The following SOCS2 variants were observed in gnomAD, a reference collection of about 807,000 sequenced individuals.
The protein encoded by SOCS2 is CIS-2.
A neutral mutation model predicts 18.6 loss-of-function variants in SOCS2; 10 were observed. The ratio of observed to expected loss-of-function variants is 0.54; its 90% confidence interval spans 0.33 to 0.91. The LOEUF is 0.91. Ranked by LOEUF, SOCS2 falls within the 40% of genes least tolerant of loss-of-function variation. The pLI is 0.02. For synonymous variants in SOCS2, 104 were observed against 104.0 expected, an observed-to-expected ratio of 1.00 and a Z score of 0.00; for missense variants, 231 against 247.2, an observed-to-expected ratio of 0.93 and a Z score of 0.44.
At chr12:93,593,710 C>G in the SOCS2 span, among the ~76,000 whole-genome samples, 1 of 152,092 alleles carries the variant, frequency 6.6e-6, no homozygotes, top group Admixed American at 6.6e-5. Flanking sequence ...CCTAGTAAGA[C>G]CAAGCCCACT....
At chr12:93,606,864 G>T in the SOCS2 span, among the ~76,000 whole-genome samples, 1 of 152,108 alleles carries the variant, frequency 6.6e-6, no homozygotes, top group Non-Finnish European at 1.5e-5. Flanking sequence ...TGTTGGTCAG[G>T]CTGGTCTTGA....
chr12:93,580,148 TA>T (rs1490123452), downstream of SOCS2, among the ~76,000 whole-genome samples: 3 of 152,190 alleles, frequency 2.0e-5, no homozygotes, highest in African/African-American at 7.2e-5. Context: ...TTTCGCCAGT[TA>T]AACCATCACA....
the SOCS2 span, among the ~76,000 whole-genome samples, chr12:93,590,589 G>T: frequency 6.6e-6 from 1 of 151,742 alleles, no homozygotes; most frequent in African/African-American, 2.4e-5. Context: ...GAGGTCAGGA[G>T]ATCGAGACCA....
chr12:93,622,990 T>C, the SOCS2 span, among the ~76,000 whole-genome samples: 122 of 152,210 alleles, frequency 8.0e-4, no homozygotes, highest in African/African-American at 2.8e-3. Flanking sequence ...AGTAGCATGA[T>C]AACTTTGCTG....
In SOCS2 at chr12:93,572,800, T is replaced by A. The variant is rs1195990746; in HGVS notation, c.-98T>A. 23 of 1,479,394 alleles carry A rather than the reference T, an allele frequency of 1.6e-5. No individual in the cohort carries two copies. The highest frequency in any genetic ancestry group is 1.8e-5 in the Non-Finnish European group (20 of 1,085,100). 91.6% of individuals were successfully genotyped at this position (1,479,394 alleles called of 1,614,324 possible). A position where few individuals can be genotyped will look rare whatever the true frequency, so the allele number is the denominator to read the frequency against. ...ACCATTTCGGACACCCCGCAGGGAC[T>A]CGTTTTGGGATTCGCACTGACTTCA... On this transcript the variant is annotated 5_prime_UTR_variant, in exon 1 of 2. Coordinates refer to ENST00000551556, the MANE Select transcript of SOCS2 (RefSeq NM_001270471.2). This position sits in a 1 kb window ranked among gnomAD's most constrained non-coding sequence, Gnocchi z 5.0.
the SOCS2 span, among the ~76,000 whole-genome samples, chr12:93,606,516 T>C: frequency 6.6e-6 from 1 of 152,020 alleles, no homozygotes; most frequent in South Asian, 2.1e-4. Context: ...AATACTAGGA[T>C]CAGGGCTGAG....
chr12:93,600,985 TTTGCTAAA>T, the SOCS2 span, among the ~76,000 whole-genome samples: 32 of 151,778 alleles, frequency 2.1e-4, no homozygotes, highest in South Asian at 6.0e-3. Flanking sequence ...GAGACAGGGT[TTTGCTAAA>T]TTGCCCAAGC....
upstream of SOCS2, chr12:93,572,060 A>T: frequency 5.1e-6 from 1 of 197,456 alleles, no homozygotes; most frequent in South Asian, 6.2e-5. This position sits in a 1 kb window ranked among gnomAD's most constrained non-coding sequence, Gnocchi z 5.0. Context: ...CACCGCAGCC[A>T]TCCTGGTCCG....
Position 93,575,235 on chromosome 12 carries a change from TAA to T in SOCS2, c.*59_*60del, listed in dbSNP as rs1001288323. 51 of 1,335,696 alleles carry T rather than the reference TAA, an allele frequency of 3.8e-5. 1 individual carries two copies. In the African/African-American group the frequency reaches 7.5e-4, roughly 20 times the overall value. 82.7% of individuals were successfully genotyped at this position (1,335,696 alleles called of 1,614,324 possible). On this transcript the variant is annotated 3_prime_UTR_variant, in exon 2 of 2. Transcript: ENST00000551556. ...TAGAGTATCTCCGAATGCAGCTATG[TAA>T]AAGAGAACCAAAACTTGAGTGCTCT...
the SOCS2 span, among the ~76,000 whole-genome samples, chr12:93,601,660 T>A: frequency 6.6e-6 from 1 of 152,224 alleles, no homozygotes; most frequent in Non-Finnish European, 1.5e-5. Flanking sequence ...AAGTAGCTAT[T>A]AGTTTTCTCA....
chr12:93,575,195 T>C lies in SOCS2; in HGVS notation c.*16T>C. The C allele has an allele frequency of 6.6e-7, 1 of 1,509,820 alleles. No homozygotes were observed. The highest frequency in any genetic ancestry group is 8.9e-7 in the Non-Finnish European group (1 of 1,127,816). 93.5% of individuals were successfully genotyped at this position (1,509,820 alleles called of 1,614,324 possible). A position where few individuals can be genotyped will look rare whatever the true frequency, so the allele number is the denominator to read the frequency against. ...CCAGGTATAAATGTTTCTCTTTTTT[T>C]AAACATGTCTCACATAGAGTATCTC... On this transcript the variant is annotated 3_prime_UTR_variant, in exon 2 of 2. Transcript: ENST00000551556.
chr12:93,603,523 G>A, the SOCS2 span, among the ~76,000 whole-genome samples: 3 of 152,144 alleles, frequency 2.0e-5, no homozygotes, highest in Non-Finnish European at 2.9e-5. Flanking sequence ...ATGGTGGGAT[G>A]TTTATTACAT....
In SOCS2 at chr12:93,572,939, A is replaced by T; in HGVS notation, c.42A>T (p.Glu14Asp). The T allele has an allele frequency of 2.5e-6, 4 of 1,569,808 alleles. No individual in the cohort carries two copies. Among genetic ancestry groups the T allele is most frequent in the Non-Finnish European group, 3.5e-6 (4 of 1,156,742 alleles). Residue 14 changes from glutamate (E) to aspartate (D), a missense_variant, in exon 1 of 2, where the codon GAA becomes GAT. By Grantham distance (45) the Glu-to-Asp change is conservative (BLOSUM62 2). Coordinates refer to ENST00000551556, the MANE Select transcript of SOCS2 (RefSeq NM_001270471.2). This position sits in a 1 kb window ranked among gnomAD's most constrained non-coding sequence, Gnocchi z 5.0. ...RCLEPSGNGGEGTRSQWGTAG... is the reference protein window; with the variant it reads ...RCLEPSGNGGDGTRSQWGTAG... ...TTGAGCCCTCCGGGAATGGCGGGGA[A>T]GGGACGCGGAGCCAGTGGGGGACCG... is the stretch of plus-strand genomic sequence containing the variant.
downstream of SOCS2, among the ~76,000 whole-genome samples, chr12:93,578,711 C>G (rs1428001900): frequency 1.3e-5 from 2 of 150,746 alleles, no homozygotes; most frequent in African/African-American, 4.9e-5. Context: ...CACACACACA[C>G]AGGCACACAA....
At chr12:93,593,172 G>A in the SOCS2 span, among the ~76,000 whole-genome samples, 1,357 of 152,242 alleles carry the variant, frequency 8.9e-3, 10 homozygotes, top group Admixed American at 0.013. Context: ...CCTACAACTG[G>A]AAGGTGGTTC....
chr12:93,614,845 C>A, the SOCS2 span, among the ~76,000 whole-genome samples: 1 of 151,154 alleles, frequency 6.6e-6, no homozygotes, highest in Non-Finnish European at 1.5e-5. Context: ...AACTCCCGAC[C>A]TCAGGTGATC....
At chr12:93,571,706 A>T, upstream of SOCS2, 1 of 290,888 alleles carries the variant, frequency 3.4e-6, no homozygotes, top group Non-Finnish European at 6.9e-6. Flanking sequence ...CTGCGCACGG[A>T]ACTCCGACCG....
Position 93,581,851 on chromosome 12 carries a change from T to C in SOCS2, c.117-1172T>C, listed in dbSNP as rs75775132. On this transcript the variant is annotated intron_variant, in intron 1 of 1. Coordinates refer to the SOCS2 transcript ENST00000549510. ...CTAACATTTATTAAACAGTCTAATA[T>C]ATCCCATTACCCTGCTTAGCCATTG... is the stretch of plus-strand genomic sequence containing the variant. 6.0e-3 allele frequency among the ~76,000 whole-genome samples: 916 copies of C among 152,306 alleles called. 9 individuals are homozygous for C. Among genetic ancestry groups the C allele is most frequent in the Middle Eastern group, 0.027 (8 of 294 alleles).
chr12:93,574,944 GTGTGGTTCATC>G lies in SOCS2; in HGVS notation c.365_375del (p.Val122AspfsTer11), dbSNP rs1190901368. ...AAATCCAAGCTTAAACAATTTGACA[GTGTGGTTCATC>G]TGATCGACTACTATGTTCAGATGTG... is the stretch of plus-strand genomic sequence containing the variant. On this transcript the variant is annotated frameshift_variant, in exon 2 of 2. Coordinates refer to ENST00000551556, the MANE Select transcript of SOCS2 (RefSeq NM_001270471.2). LOFTEE classifies it high-confidence loss of function. 6.2e-7 allele frequency: 1 copy of G among 1,614,174 alleles called. No individual in the cohort carries two copies. The highest frequency in any genetic ancestry group is 8.5e-7 in the Non-Finnish European group (1 of 1,180,030).
Sources: allele counts gnomAD v4.1 joint callset (sites outside exome capture counted in the v4.1 genomes callset), GRCh38; gene constraint gnomAD v4.1.1; non-coding constraint Gnocchi (gnomAD v3.1); transcripts MANE v1.5; gene names NCBI Gene and HGNC (gene_info 2026-07-23, HGNC 2026-07-21).